Variants in CACNA1C observed in about 807,000 individuals in gnomAD.
The protein encoded by CACNA1C is voltage-dependent L-type calcium channel subunit alpha-1C.
Under a neutral mutation model 229.0 loss-of-function variants are expected in CACNA1C, and 30 were observed. The ratio of observed to expected loss-of-function variants is 0.13; its 90% confidence interval spans 0.10 to 0.18. The LOEUF (loss-of-function observed/expected upper bound fraction) is 0.18, where lower values mean the gene tolerates loss of function less well. Among genes scored for constraint, CACNA1C ranks in the 10% least tolerant of loss-of-function variants. The pLI, the probability that CACNA1C is intolerant of heterozygous loss-of-function variation, is 1.00. For missense variants in CACNA1C, 1,658 were observed against 2,845.0 expected (o/e 0.58, Z 9.49); for synonymous variants, 1,114 against 1,132.5 (o/e 0.98, Z 0.33).
chr12:2,489,351 T>TG (rs1446303860), intron 6 of CACNA1C, among the ~76,000 whole-genome samples: 3 of 152,230 alleles, frequency 2.0e-5, no homozygotes. Context: ...GTTATGGAAT[T>TG]GTCCAGGTGA....
At chr12:2,317,050 G>A (rs2095728522) in intron 3 of CACNA1C, among the ~76,000 whole-genome samples, 1 of 152,198 alleles carries the variant, frequency 6.6e-6, no homozygotes, top group South Asian at 2.1e-4. Context: ...TGGAACCGTT[G>A]GGCATTGCTA....
Position 2,651,709 on chromosome 12 carries a change from C to A in CACNA1C, c.4015C>A (p.Leu1339Met). Residue 1339 changes from leucine (L) to methionine (M), a missense_variant, in exon 32 of 47, where the codon CTG (leucine) becomes ATG (methionine). Coordinates refer to ENST00000399655, the MANE Select transcript of CACNA1C (RefSeq NM_000719.7). This position sits in a 1 kb window ranked among gnomAD's most constrained non-coding sequence, Gnocchi z 5.4. ...GTTCCGGGTCATGCGTCTGGTGAAG[C>A]TGCTGAGCCGTGGGGAGGGCATCCG... ...RLFRVMRLVK[L>M]LSRGEGIRTL... 6.2e-7 allele frequency: 1 copy of A among 1,613,886 alleles called. No individual in the cohort carries two copies. Among genetic ancestry groups the A allele is most frequent in the Non-Finnish European group, 8.5e-7 (1 of 1,179,828 alleles).
intron 1 of CACNA1C, among the ~76,000 whole-genome samples, chr12:1,986,731 G>A (rs528421463): frequency 2.6e-4 from 39 of 152,238 alleles, no homozygotes; most frequent in African/African-American, 9.4e-4. Flanking sequence ...TGATAAAAGA[G>A]GAAAGAATAA....
intron 5 of CACNA1C, among the ~76,000 whole-genome samples, chr12:2,462,548 G>C (rs2099517491): frequency 6.6e-6 from 1 of 152,202 alleles, no homozygotes. Context: ...TGTTAGTTGT[G>C]TTCACAGCTG....
intron 3 of CACNA1C, among the ~76,000 whole-genome samples, chr12:2,440,318 CTG>C (rs1228201750): frequency 3.9e-5 from 6 of 152,282 alleles, no homozygotes; most frequent in African/African-American, 1.4e-4. Context: ...CCGTAATCTA[CTG>C]TGTGTCTCTG....
chr12:2,346,680 C>T lies in CACNA1C; in HGVS notation c.478-102296C>T, dbSNP rs2097038422. On this transcript the variant is annotated intron_variant, in intron 3 of 46. Transcript: ENST00000399655. This position sits in a 1 kb window ranked among gnomAD's most constrained non-coding sequence, Gnocchi z 4.4. Reference sequence around the variant, plus strand: ...CCACCGTGATGAAGTACAGGCTTTGCCAGGGCTTAGCAGGGGGAATTGGAA... The same window carrying T: ...CCACCGTGATGAAGTACAGGCTTTGTCAGGGCTTAGCAGGGGGAATTGGAA... Among the ~76,000 whole-genome samples the T allele has an allele frequency of 6.6e-6, 1 of 152,106 alleles. No individual in the cohort carries two copies. Among genetic ancestry groups the T allele is most frequent in the Non-Finnish European group, 1.5e-5 (1 of 68,020 alleles).
intron 3 of CACNA1C, among the ~76,000 whole-genome samples, chr12:2,205,225 C>T (rs954671507): frequency 1.3e-5 from 2 of 152,156 alleles, no homozygotes; most frequent in Non-Finnish European, 2.9e-5. Context: ...GACTTCTGCA[C>T]GTTACACTGG....
At chr12:2,270,575 G>A (rs537115999) in intron 3 of CACNA1C, among the ~76,000 whole-genome samples, 1 of 152,308 alleles carries the variant, frequency 6.6e-6, no homozygotes, top group African/African-American at 2.4e-5. Context: ...CTCCAGACGT[G>A]GTGATGGAAC....
chr12:2,265,156 C>T (rs1287828906), intron 3 of CACNA1C, among the ~76,000 whole-genome samples: 1 of 152,164 alleles, frequency 6.6e-6, no homozygotes, highest in Non-Finnish European at 1.5e-5. Flanking sequence ...TGAGGGAGGC[C>T]CTTGGCCTGC....
intron 3 of CACNA1C, among the ~76,000 whole-genome samples, chr12:2,440,374 G>A (rs1445156213): frequency 5.3e-5 from 8 of 152,148 alleles, no homozygotes; most frequent in Non-Finnish European, 7.3e-5. Flanking sequence ...GGGATCATAC[G>A]GTATTTGTCC....
At chr12:2,455,767 C>T (rs550831781) in intron 4 of CACNA1C, among the ~76,000 whole-genome samples, 5 of 152,274 alleles carry the variant, frequency 3.3e-5, no homozygotes, top group East Asian at 3.9e-4. Context: ...GTGACACCAC[C>T]GCCTGTTCAC....
At chr12:2,301,635 C>T (rs2094567386) in intron 3 of CACNA1C, among the ~76,000 whole-genome samples, 1 of 152,190 alleles carries the variant, frequency 6.6e-6, no homozygotes, top group African/African-American at 2.4e-5. Context: ...ACTGTCTTGA[C>T]CACAGTACCC....
chr12:2,317,105 T>G (rs1371589200), intron 3 of CACNA1C, among the ~76,000 whole-genome samples: 1 of 152,216 alleles, frequency 6.6e-6, no homozygotes, highest in Non-Finnish European at 1.5e-5. Flanking sequence ...GTGTGGTGTT[T>G]CCTTAAAAAA....
At chr12:2,475,988 A>G (rs73250470) in intron 5 of CACNA1C, among the ~76,000 whole-genome samples, 2,438 of 152,202 alleles carry the variant, frequency 0.016, 75 homozygotes, top group African/African-American at 0.055. Context: ...TTGTATGTAT[A>G]TTTCACAGTT....
At chr12:2,670,531 A>C (rs143662885) in intron 38 of CACNA1C, among the ~76,000 whole-genome samples, 1 of 152,204 alleles carries the variant, frequency 6.6e-6, no homozygotes, top group Non-Finnish European at 1.5e-5. Flanking sequence ...CCAGTCCACC[A>C]AGACACAAGT....
intron 9 of CACNA1C, among the ~76,000 whole-genome samples, chr12:2,537,267 A>G (rs914421033): frequency 2.0e-5 from 3 of 152,260 alleles, no homozygotes; most frequent in African/African-American, 7.2e-5. Context: ...ACTTGGCATC[A>G]GATCTACCCG....
chr12:2,355,750 G>A (rs1435674431), intron 3 of CACNA1C, among the ~76,000 whole-genome samples: 1 of 152,202 alleles, frequency 6.6e-6, no homozygotes, highest in Non-Finnish European at 1.5e-5. Context: ...GACAGATTTG[G>A]TTTTCACAAC....
rs567772549 is a variant in CACNA1C, at chr12:2,204,764, AG to A, written c.477+84338del. On this transcript the variant is annotated intron_variant, in intron 3 of 46. Transcript: ENST00000399655. ...ACAGTGAGATCACATGGACACAGGA[AG>A]GGGAATATCACACTCTGGGGACTGT... Among the ~76,000 whole-genome samples, 533 of 108,266 alleles carry A rather than the reference AG, an allele frequency of 4.9e-3. 11 individuals are homozygous for A. The highest frequency in any genetic ancestry group is 0.011 in the Middle Eastern group (2 of 186). The allele number at this position is 108,266 out of a possible 152,430, so 71.0% of individuals were successfully genotyped here.
intron 9 of CACNA1C, among the ~76,000 whole-genome samples, chr12:2,522,654 G>A (rs1163337560): frequency 1.3e-5 from 2 of 152,178 alleles, no homozygotes; most frequent in African/African-American, 2.4e-5. Context: ...TTGTTTCACT[G>A]TATGGCGTCA....
Sources: allele counts gnomAD v4.1 joint callset (sites outside exome capture counted in the v4.1 genomes callset), GRCh38; gene constraint gnomAD v4.1.1; non-coding constraint Gnocchi (gnomAD v3.1); transcripts MANE v1.5; gene names NCBI Gene and HGNC (gene_info 2026-07-23, HGNC 2026-07-21).